Variants in PLCE1 observed in about 807,000 individuals in gnomAD.
PLCE1 encodes 1-phosphatidylinositol 4,5-bisphosphate phosphodiesterase epsilon-1.
Under a neutral mutation model 242.8 loss-of-function variants are expected in PLCE1, and 119 were observed. The observed-to-expected ratio is 0.49, with a 90% confidence interval of 0.42 to 0.57. The LOEUF is 0.57. PLCE1 is among the 20% of genes least tolerant of loss of function. The pLI, the probability that PLCE1 is intolerant of heterozygous loss-of-function variation, is 0.00. For synonymous variants in PLCE1, 945 were observed against 1,017.4 expected (o/e 0.93, Z 1.35); for missense variants, 2,441 against 2,788.8 (o/e 0.88, Z 2.81).
chr10:94,198,736 C>T (rs1250620532), intron 4 of PLCE1, among the ~76,000 whole-genome samples: 1 of 152,160 alleles, frequency 6.6e-6, no homozygotes, highest in Non-Finnish European at 1.5e-5. Flanking sequence ...TGGCTTTCTT[C>T]ATTTAGAATG....
At chr10:94,116,009 G>A (rs188511148) in intron 2 of PLCE1, among the ~76,000 whole-genome samples, 77 of 152,270 alleles carry the variant, frequency 5.1e-4, no homozygotes, top group African/African-American at 1.7e-3. Flanking sequence ...TGATGCAGGC[G>A]ATAACTGTTC....
intron 2 of PLCE1, among the ~76,000 whole-genome samples, chr10:94,110,187 C>T (rs2045909244): frequency 6.7e-6 from 1 of 150,220 alleles, no homozygotes; most frequent in South Asian, 2.1e-4. Flanking sequence ...CTCAGCCTCC[C>T]GACTAGCTGG....
chr10:94,120,041 C>T (rs2076762471), intron 2 of PLCE1, among the ~76,000 whole-genome samples: 3 of 152,166 alleles, frequency 2.0e-5, no homozygotes, highest in African/African-American at 4.8e-5. Flanking sequence ...TGCTTAGGAC[C>T]TCCCAGGGCC....
At chr10:94,050,629 G>C (rs2043737561) in intron 2 of PLCE1, among the ~76,000 whole-genome samples, 1 of 151,826 alleles carries the variant, frequency 6.6e-6, no homozygotes, top group Admixed American at 6.6e-5. Context: ...TCTCTGTCAG[G>C]GCATCTAACC....
intron 18 of PLCE1, among the ~76,000 whole-genome samples, chr10:94,273,149 G>A (rs1052076459): frequency 4.6e-5 from 7 of 152,158 alleles, no homozygotes; most frequent in African/African-American, 1.4e-4. Context: ...CTATGTGGAC[G>A]CAAATTCTAC....
At position 94,137,019 on chromosome 10, in the gene PLCE1, C is replaced by T. The variant is rs1469498441; in HGVS notation, c.1492+4560C>T. On this transcript the variant is annotated intron_variant, in intron 3 of 32. Coordinates refer to ENST00000371380, the MANE Select transcript of PLCE1 (RefSeq NM_016341.4). The stretch of plus-strand genomic sequence containing the variant: ...CATCCTGGCTAACATGGTGAAACCC[C>T]GTGTCTACTAAAAATACAAAAAAAT... Among the ~76,000 whole-genome samples, 3 of 152,080 alleles carry T rather than the reference C, an allele frequency of 2.0e-5. No individual in the cohort carries two copies. In the South Asian group the frequency reaches 6.2e-4, roughly 32 times the overall value.
At chr10:94,208,301 A>T (rs944784787) in intron 4 of PLCE1, among the ~76,000 whole-genome samples, 10 of 152,242 alleles carry the variant, frequency 6.6e-5, no homozygotes, top group African/African-American at 2.4e-4. Context: ...TATTTCTTCC[A>T]GGACAGCATC....
intron 2 of PLCE1, among the ~76,000 whole-genome samples, chr10:94,043,477 A>G (rs2061812547): frequency 6.6e-6 from 1 of 152,226 alleles, no homozygotes; most frequent in Non-Finnish European, 1.5e-5. Flanking sequence ...GCTTAGCTTC[A>G]GAAAGATTTA....
intron 2 of PLCE1, among the ~76,000 whole-genome samples, chr10:94,123,395 A>G (rs186480957): frequency 3.9e-5 from 6 of 152,316 alleles, no homozygotes. Flanking sequence ...TGGTTTTAGC[A>G]AAGTCTTTAT....
intron 4 of PLCE1, among the ~76,000 whole-genome samples, chr10:94,214,763 T>G (rs1253821903): frequency 4.6e-5 from 7 of 152,294 alleles, no homozygotes; most frequent in Middle Eastern, 3.4e-3. Context: ...GGGCTTACTT[T>G]TGCTTACCAG....
At chr10:94,266,322 G>T (rs2051515268) in intron 16 of PLCE1, among the ~76,000 whole-genome samples, 1 of 152,118 alleles carries the variant, frequency 6.6e-6, no homozygotes. Flanking sequence ...ATATATTGTA[G>T]TGGGAAAGCA....
At chr10:94,218,805 T>C (rs577917479) in intron 4 of PLCE1, among the ~76,000 whole-genome samples, 1 of 151,258 alleles carries the variant, frequency 6.6e-6, no homozygotes, top group East Asian at 1.9e-4. Flanking sequence ...ACCAGATTTC[T>C]AAAGATGACA....
intron 3 of PLCE1, among the ~76,000 whole-genome samples, chr10:94,133,151 G>T (rs2046660662): frequency 6.6e-6 from 1 of 152,072 alleles, no homozygotes; most frequent in Non-Finnish European, 1.5e-5. Context: ...CTGTGGTTGG[G>T]AGCAGAGTGA....
intron 4 of PLCE1, among the ~76,000 whole-genome samples, chr10:94,198,916 G>A (rs540783045): frequency 6.6e-6 from 1 of 152,252 alleles, no homozygotes; most frequent in Non-Finnish European, 1.5e-5. Context: ...TCTGGGCATG[G>A]TGGCACGCAC....
In PLCE1 at chr10:94,248,139, A is replaced by G. The variant is rs1274557607; in HGVS notation, c.3096+1518A>G. On this transcript the variant is annotated intron_variant, in intron 8 of 32. Transcript: ENST00000371380. ...CCAGGAAGTTAGACAAGGCACATGT[A>G]ATGCCCCTTCTTTCTTCTTTCCCTA... 2.6e-5 allele frequency among the ~76,000 whole-genome samples: 4 copies of G among 152,260 alleles called. No individual in the cohort carries two copies. The East Asian group carries it at 7.7e-4, about 29-fold the overall frequency.
At chr10:94,164,514 G>A (rs541252070) in intron 3 of PLCE1, among the ~76,000 whole-genome samples, 1 of 152,004 alleles carries the variant, frequency 6.6e-6, no homozygotes, top group Non-Finnish European at 1.5e-5. Flanking sequence ...TCTGTGCATT[G>A]GTTATTCTAG....
intron 24 of PLCE1, 31 bp from the exon 25 acceptor site, chr10:94,304,450 TA>T: frequency 6.2e-7 from 1 of 1,600,354 alleles, no homozygotes; most frequent in Non-Finnish European, 8.6e-7. Context: ...AGTAACAAGC[TA>T]TATTGGCTTT....
intron 1 of PLCE1, among the ~76,000 whole-genome samples, chr10:94,012,131 G>A (rs559342835): frequency 3.3e-5 from 5 of 152,184 alleles, no homozygotes; most frequent in South Asian, 4.1e-4. Flanking sequence ...AGGCAATTGC[G>A]AATCAGTAAC....
Position 94,252,372 on chromosome 10 carries a change from C to A in PLCE1, c.3153C>A (p.Gly1051=). Residue 1051 remains glycine (G), a synonymous_variant, in exon 9 of 33, where the codon GGC becomes GGA. Coordinates refer to ENST00000371380, the MANE Select transcript of PLCE1 (RefSeq NM_016341.4). ...TLAHAVELFG[G]RRWSARNPSP... is the part of the protein sequence containing the mutation. ...CTCACGCTGTGGAGTTGTTTGGTGG[C>A]AGACGGTGGAGTGCTCGAAACCCCA... 1 of 1,614,058 alleles carries A rather than the reference C, an allele frequency of 6.2e-7. No individual in the cohort carries two copies. The highest frequency in any genetic ancestry group is 1.3e-5 in the African/African-American group (1 of 75,010).
Sources: gnomAD v4.1 joint callset for allele counts (sites outside exome capture counted in the v4.1 genomes callset) on GRCh38, gnomAD v4.1.1 for gene constraint, MANE v1.5 for transcripts, NCBI Gene and HGNC (gene_info 2026-07-23, HGNC 2026-07-21) for gene names.